Variants in ADAR observed in about 807,000 individuals in gnomAD.
ADAR encodes adenosine deaminase RNA specific.
In ADAR, 41 loss-of-function variants were observed where a neutral mutation model predicts 113.2. The ratio of observed to expected loss-of-function variants is 0.36; its 90% CI spans 0.28 to 0.47. ADAR has a LOEUF of 0.47. ADAR is among the 20% of genes least tolerant of loss of function. ADAR has a pLI of 1.00. For synonymous variants in ADAR, 605 were observed against 572.6 expected, an observed-to-expected ratio of 1.06 and a Z score of -0.81; for missense variants, 1,242 against 1,540.9, an observed-to-expected ratio of 0.81 and a Z score of 3.25.
intron 1 of ADAR, among the ~76,000 whole-genome samples, chr1:154,619,602 TAAG>T (rs1698732490): frequency 6.6e-6 from 1 of 152,044 alleles, no homozygotes; most frequent in Non-Finnish European, 1.5e-5. Flanking sequence ...ACCCTCAAAA[TAAG>T]AAGAGGAAGG....
intron 1 of ADAR, among the ~76,000 whole-genome samples, chr1:154,625,824 G>A (rs1040272965): frequency 3.3e-5 from 5 of 152,080 alleles, no homozygotes; most frequent in Non-Finnish European, 7.4e-5. Flanking sequence ...GGCCAACATG[G>A]TGAAACCCTG....
intron 12 of ADAR, 86 bp from the exon 13 acceptor site, chr1:154,585,951 C>G: frequency 7.6e-7 from 1 of 1,320,914 alleles, no homozygotes; most frequent in Non-Finnish European, 1.1e-6. Context: ...TTTGGAGGTA[C>G]AAGATATAGT....
At chr1:154,627,491 G>A (rs1698977278) in intron 1 of ADAR, among the ~76,000 whole-genome samples, 3 of 152,250 alleles carry the variant, frequency 2.0e-5, no homozygotes, top group Non-Finnish European at 4.4e-5. Flanking sequence ...GGGGGAGCCG[G>A]CGAGAGGGAA....
chr1:154,609,085 A>G (rs1462839244), upstream of ADAR, among the ~76,000 whole-genome samples: 1 of 152,216 alleles, frequency 6.6e-6, no homozygotes, highest in African/African-American at 2.4e-5. Context: ...CAAGGTAGGC[A>G]TTATTCCCAC....
intron 10 of ADAR, 80 bp from the exon 11 acceptor site, chr1:154,588,338 C>T: frequency 6.2e-7 from 1 of 1,603,726 alleles, no homozygotes; most frequent in Non-Finnish European, 8.5e-7. Flanking sequence ...TCAGATGTGA[C>T]AGAAGCAAGG....
rs1557863012 is a variant in ADAR at position 154,584,972 on chromosome 1, CG to C, written c.3514del (p.Arg1172ValfsTer7). 1 of 1,614,176 alleles carries C rather than the reference CG, an allele frequency of 6.2e-7. No individual in the cohort carries two copies. The highest frequency in any genetic ancestry group is 1.1e-5 in the South Asian group (1 of 91,082). On this transcript the variant is annotated frameshift_variant, in exon 15 of 15. Transcript: ENST00000368474. LOFTEE classifies it high-confidence loss of function. ...GAGTCTCAGTAGATCCCTGCGGTAACGGAAGGAGCAGAGCTTCTTAAATAGA... is the reference window on the plus strand; with the variant it reads ...GAGTCTCAGTAGATCCCTGCGGTAACGAAGGAGCAGAGCTTCTTAAATAGA... ...FLLFKKLCSF[R>X]YRRDLLRLSY...
intron 10 of ADAR, 128 bp downstream of exon 10, chr1:154,588,423 G>A: frequency 6.7e-7 from 1 of 1,503,368 alleles, no homozygotes; most frequent in African/African-American, 1.4e-5. Flanking sequence ...CCTGAATATG[G>A]ACCTCAAACC....
At chr1:154,627,612 A>C (rs1252018685) in intron 1 of ADAR, among the ~76,000 whole-genome samples, 2 of 152,194 alleles carry the variant, frequency 1.3e-5, no homozygotes, top group South Asian at 2.1e-4. Flanking sequence ...ACACTCGCGC[A>C]CACACGGGCG....
intron 6 of ADAR, among the ~76,000 whole-genome samples, chr1:154,594,617 A>C (rs547269091): frequency 6.6e-6 from 1 of 152,230 alleles, no homozygotes; most frequent in African/African-American, 2.4e-5. Context: ...GCTAGTGCTC[A>C]TAAGTTTCAC....
Position 154,585,813 on chromosome 1 carries a change from T to G in ADAR, c.3255A>C (p.Thr1085=). 1 of 1,614,076 alleles carries G rather than the reference T, an allele frequency of 6.2e-7. No homozygotes were observed. The highest frequency in any genetic ancestry group is 8.5e-7 in the Non-Finnish European group (1 of 1,179,912). ...HLTRAICCRV[T]RDGSAFEDGL... Reference sequence around the variant, plus strand: ...CATCCTCAAATGCACTCCCATCTCTTGTCACACGACAGCAAATAGCACGGG... The same window carrying G: ...CATCCTCAAATGCACTCCCATCTCTGGTCACACGACAGCAAATAGCACGGG... The change falls in exon 13 of 15, where the codon ACA becomes ACC. Residue 1085 remains threonine (T), a synonymous_variant. Coordinates refer to ENST00000368474, the MANE Select transcript of ADAR (RefSeq NM_001111.5).
chr1:154,615,402 C>A (rs962015565), intron 1 of ADAR, among the ~76,000 whole-genome samples: 1 of 152,116 alleles, frequency 6.6e-6, no homozygotes, highest in African/African-American at 2.4e-5. Context: ...TACTTATGCA[C>A]AGCCATGATG....
chr1:154,587,768 C>A (rs1029602859), intron 11 of ADAR, among the ~76,000 whole-genome samples: 1 of 152,170 alleles, frequency 6.6e-6, no homozygotes, highest in African/African-American at 2.4e-5. Context: ...GTGCCGCACT[C>A]TTCATTTCCT....
In ADAR at chr1:154,585,811, CTT is replaced by C. The variant is rs1349262891; in HGVS notation, c.3255_3256del (p.Asp1087TrpfsTer5). 5.0e-6 allele frequency: 8 copies of C among 1,613,980 alleles called. No individual in the cohort carries two copies. The highest frequency in any genetic ancestry group is 6.8e-6 in the Non-Finnish European group (8 of 1,179,946). ...TCCATCCTCAAATGCACTCCCATCT[CTT>C]GTCACACGACAGCAAATAGCACGGG... On this transcript the variant is annotated frameshift_variant, in exon 13 of 15. Coordinates refer to ENST00000368474, the MANE Select transcript of ADAR (RefSeq NM_001111.5). LOFTEE classifies it high-confidence loss of function.
chr1:154,598,167 C>G (rs1191788278), intron 3 of ADAR, among the ~76,000 whole-genome samples, 191 bp from the exon 4 acceptor site: 4 of 152,162 alleles, frequency 2.6e-5, no homozygotes, highest in Admixed American at 2.0e-4. Flanking sequence ...AATAAACTTT[C>G]AGGTCTCTTT....
chr1:154,614,093 T>C (rs571975938), intron 1 of ADAR, among the ~76,000 whole-genome samples: 14 of 152,240 alleles, frequency 9.2e-5, no homozygotes, highest in African/African-American at 3.4e-4. Context: ...ACATTTGCAA[T>C]AATATTACAT....
chr1:154,596,413 G>T (rs960939377), intron 6 of ADAR, among the ~76,000 whole-genome samples: 3 of 152,014 alleles, frequency 2.0e-5, no homozygotes, highest in Non-Finnish European at 4.4e-5. Context: ...GCTAATTTTT[G>T]TATTTTTAGT....
chr1:154,626,244 A>T (rs1024825023), intron 1 of ADAR, among the ~76,000 whole-genome samples: 1 of 151,116 alleles, frequency 6.6e-6, no homozygotes, highest in African/African-American at 2.4e-5. Context: ...CCTCCCAAGT[A>T]GCTGGGATCA....
chr1:154,589,956 C>A, intron 7 of ADAR, 28 bp from the exon 8 acceptor site: 1 of 1,613,024 alleles, frequency 6.2e-7, no homozygotes, highest in Non-Finnish European at 8.5e-7. Flanking sequence ...TGTGTCAGCA[C>A]CACAAAGCTG....
chr1:154,609,642 T>C (rs1698415255), upstream of ADAR, among the ~76,000 whole-genome samples: 3 of 152,100 alleles, frequency 2.0e-5, no homozygotes, highest in South Asian at 6.2e-4. Context: ...GCAGGTGCTG[T>C]TTGTGGTTTC....
Sources: gnomAD v4.1 joint callset for allele counts (sites outside exome capture counted in the v4.1 genomes callset) on GRCh38, gnomAD v4.1.1 for gene constraint, MANE v1.5 for transcripts, NCBI Gene and HGNC (gene_info 2026-07-23, HGNC 2026-07-21) for gene names.